Variants in SPIDR observed in about 807,000 individuals in gnomAD.
SPIDR encodes DNA repair-scaffolding protein.
SPIDR carries 93 observed loss-of-function variants against 104.6 expected under a neutral mutation model. The ratio of observed to expected loss-of-function variants is 0.89; its 90% CI spans 0.75 to 1.06. SPIDR has a LOEUF of 1.06. Among genes scored for constraint, SPIDR ranks in the 50% least tolerant of loss-of-function variants. The pLI, the probability that SPIDR is intolerant of heterozygous loss-of-function variation, is 0.00. For synonymous variants in SPIDR, 431 were observed against 416.9 expected (o/e 1.03, Z -0.41); for missense variants, 1,154 against 1,111.2 (o/e 1.04, Z -0.55).
intron 10 of SPIDR, among the ~76,000 whole-genome samples, chr8:47,668,587 A>G (rs1408579416): frequency 6.6e-6 from 1 of 152,190 alleles, no homozygotes; most frequent in Admixed American, 6.5e-5. Context: ...TGACTATAAA[A>G]CATTCAAGAC....
At chr8:47,638,068 G>T (rs1306227731) in intron 10 of SPIDR, among the ~76,000 whole-genome samples, 3 of 151,620 alleles carry the variant, frequency 2.0e-5, no homozygotes, top group Non-Finnish European at 4.4e-5. Flanking sequence ...TTTTCCCTTG[G>T]AGTTATTTCA....
chr8:47,277,301 TTTATGTTATGTTTGTTATG>T (rs1463433402), intron 1 of SPIDR, among the ~76,000 whole-genome samples: 42 of 150,432 alleles, frequency 2.8e-4, no homozygotes, highest in African/African-American at 9.1e-4. Flanking sequence ...TTTATTTTAA[TTTATGTTATGTTTGTTATG>T]TTATGTTATG....
intron 10 of SPIDR, among the ~76,000 whole-genome samples, chr8:47,672,464 A>T (rs2075920871): frequency 1.3e-5 from 2 of 152,024 alleles, no homozygotes; most frequent in South Asian, 4.1e-4. Context: ...ATTCTGAGTA[A>T]TTTATTCAGA....
intron 8 of SPIDR, among the ~76,000 whole-genome samples, chr8:47,575,308 G>T (rs976038910): frequency 3.3e-5 from 5 of 152,094 alleles, no homozygotes; most frequent in African/African-American, 1.2e-4. Context: ...ATACATTTCT[G>T]ATTTAAAAGA....
At chr8:47,459,451 T>A (rs1554712003) in intron 8 of SPIDR, among the ~76,000 whole-genome samples, 1 of 152,142 alleles carries the variant, frequency 6.6e-6, no homozygotes, top group African/African-American at 2.4e-5. Flanking sequence ...TTAGATAATC[T>A]TTTGTATTTC....
At position 47,594,803 on chromosome 8, in the gene SPIDR, G is replaced by A. The variant is rs537700811; in HGVS notation, c.1098-1008G>A. 2.7e-3 allele frequency among the ~76,000 whole-genome samples: 417 copies of A among 152,120 alleles called. 1 individual carries two copies. The highest frequency in any genetic ancestry group is 9.8e-3 in the African/African-American group (407 of 41,494). On this transcript the variant is annotated intron_variant, in intron 8 of 19. Coordinates refer to ENST00000297423, the MANE Select transcript of SPIDR (RefSeq NM_001080394.4). ...GAAGTCAGGAGTTTGAGACCAATCTGGCCAACATGGCAAAACCTTCTCTCT... is the reference window on the plus strand; with the variant it reads ...GAAGTCAGGAGTTTGAGACCAATCTAGCCAACATGGCAAAACCTTCTCTCT...
intron 16 of SPIDR, among the ~76,000 whole-genome samples, chr8:47,719,827 A>T (rs559036643): frequency 6.6e-6 from 1 of 152,146 alleles, no homozygotes; most frequent in Admixed American, 6.5e-5. Context: ...AAGGAACCCA[A>T]TGCTCCTTAC....
intron 10 of SPIDR, among the ~76,000 whole-genome samples, chr8:47,656,908 A>T (rs924655509): frequency 7.9e-5 from 12 of 152,266 alleles, no homozygotes; most frequent in African/African-American, 2.9e-4. Flanking sequence ...AGTTAGACAT[A>T]GAAGGCCACA....
chr8:47,511,321 TG>T (rs1209784094), intron 8 of SPIDR: 23 of 1,267,624 alleles, frequency 1.8e-5, no homozygotes, highest in African/African-American at 4.4e-5. Flanking sequence ...TTCTGCCAGT[TG>T]GACTGGAGAG....
At chr8:47,278,096 C>CTTTTTTTTTTTTTTTTT (rs71225674) in intron 1 of SPIDR, among the ~76,000 whole-genome samples, 1 of 137,268 alleles carries the variant, frequency 7.3e-6, no homozygotes. Context: ...TTTTCTTTCT[C>CTTTTTTTTTTTTTTTTT]TTTTTTTTTT....
chr8:47,695,368 A>G lies in SPIDR; in HGVS notation c.1686-5035A>G, dbSNP rs371960761. Among the ~76,000 whole-genome samples, 574 of 152,136 alleles carry G rather than the reference A, an allele frequency of 3.8e-3. 3 individuals are homozygous for G. Among genetic ancestry groups the G allele is most frequent in the South Asian group, 0.022 (108 of 4,820 alleles). Reference sequence around the variant, plus strand: ...TTTAAGAACATTTTATACCCAGAATACATGCTTGGTTAAAAAAAAAATGAT... The same window carrying G: ...TTTAAGAACATTTTATACCCAGAATGCATGCTTGGTTAAAAAAAAAATGAT... On this transcript the variant is annotated intron_variant, in intron 11 of 19. Coordinates refer to ENST00000297423, the MANE Select transcript of SPIDR (RefSeq NM_001080394.4).
intron 8 of SPIDR, among the ~76,000 whole-genome samples, chr8:47,471,156 G>GA (rs1360740017): frequency 5.9e-5 from 9 of 151,836 alleles, no homozygotes; most frequent in Admixed American, 3.9e-4. Context: ...GGCAACAAAG[G>GA]AAAAAAATAG....
chr8:47,360,572 G>C (rs2154288993), intron 5 of SPIDR, among the ~76,000 whole-genome samples: 1 of 152,292 alleles, frequency 6.6e-6, no homozygotes, highest in Non-Finnish European at 1.5e-5. Flanking sequence ...TGGAGAGGCT[G>C]CCATGGCTGA....
intron 8 of SPIDR, among the ~76,000 whole-genome samples, chr8:47,550,066 A>G (rs1002563184): frequency 2.0e-5 from 3 of 152,180 alleles, no homozygotes; most frequent in African/African-American, 7.2e-5. Context: ...GTCAAAGATC[A>G]GGTGGTTGTA....
chr8:47,271,656 T>C (rs1318047743), intron 1 of SPIDR, among the ~76,000 whole-genome samples: 1 of 152,118 alleles, frequency 6.6e-6, no homozygotes, highest in Admixed American at 6.5e-5. Context: ...TTCCTTTATT[T>C]CTTTGAATAT....
chr8:47,435,807 A>T (rs1554691692), intron 7 of SPIDR, among the ~76,000 whole-genome samples: 1 of 152,232 alleles, frequency 6.6e-6, no homozygotes, highest in African/African-American at 2.4e-5. Context: ...ATAATGAAGT[A>T]GGGGGGAAAC....
chr8:47,371,043 C>A lies in SPIDR; in HGVS notation c.526-25333C>A, dbSNP rs117255070. Among the ~76,000 whole-genome samples, 9 of 151,786 alleles carry A rather than the reference C, an allele frequency of 5.9e-5. No individual in the cohort carries two copies. In the East Asian group the frequency reaches 1.6e-3, roughly 26 times the overall value. ...ACCAAGGACCTACACAAGGTAGAAT[C>A]CAAAGGCAGACTGTCTAGCCTACAT... On this transcript the variant is annotated intron_variant, in intron 5 of 19. Transcript: ENST00000297423.
intron 16 of SPIDR, among the ~76,000 whole-genome samples, chr8:47,718,874 C>G (rs2082964825): frequency 6.6e-6 from 1 of 152,090 alleles, no homozygotes; most frequent in Non-Finnish European, 1.5e-5. Flanking sequence ...ATCAACCCAT[C>G]ACCCAGGTAT....
intron 8 of SPIDR, among the ~76,000 whole-genome samples, chr8:47,499,692 G>T (rs563970700): frequency 6.6e-6 from 1 of 152,074 alleles, no homozygotes; most frequent in Non-Finnish European, 1.5e-5. Flanking sequence ...CAACGTGCAG[G>T]TTAGTTACAT....
Sources: allele counts gnomAD v4.1 joint callset (sites outside exome capture counted in the v4.1 genomes callset), GRCh38; gene constraint gnomAD v4.1.1; transcripts MANE v1.5; gene names NCBI Gene and HGNC (gene_info 2026-07-23, HGNC 2026-07-21).